The following DDX31 variants were observed in gnomAD, a reference collection of about 807,000 sequenced individuals.
The protein encoded by DDX31 is DEAD-box helicase 31.
A neutral mutation model predicts 91.3 loss-of-function variants in DDX31; 70 were observed. That is an observed-to-expected ratio of 0.77 (90% CI 0.63 to 0.94). The LOEUF (loss-of-function observed/expected upper bound fraction) is 0.94, where lower values mean the gene tolerates loss of function less well. Among genes scored for constraint, DDX31 ranks in the 40% least tolerant of loss-of-function variants. The pLI, the probability that DDX31 is intolerant of heterozygous loss-of-function variation, is 0.00. For missense variants in DDX31, 902 were observed against 925.0 expected (o/e 0.98, Z 0.32); for synonymous variants, 362 against 350.6 (o/e 1.03, Z -0.36).
At chr9:132,638,393 G>C in intron 14 of DDX31, 1 of 1,614,192 alleles carries the variant, frequency 6.2e-7, no homozygotes, top group Non-Finnish European at 8.5e-7. Flanking sequence ...ACATTTTGCA[G>C]ATAATCCAGT....
chr9:132,643,281 C>T (rs930840386), intron 13 of DDX31, among the ~76,000 whole-genome samples: 2 of 152,148 alleles, frequency 1.3e-5, no homozygotes, highest in African/African-American at 4.8e-5. Context: ...CCTGAAACGG[C>T]GCATTCTGAG....
chr9:132,648,136 T>C, intron 11 of DDX31, 53 bp downstream of exon 11: 1 of 1,453,938 alleles, frequency 6.9e-7, no homozygotes, highest in Admixed American at 1.9e-5. Flanking sequence ...TAAATCTAGG[T>C]CCTTCCTCTT....
At chr9:132,642,098 C>G (rs1181573991) in intron 13 of DDX31, 35 bp from the exon 14 acceptor site, 1 of 1,597,680 alleles carries the variant, frequency 6.3e-7, no homozygotes, top group African/African-American at 1.3e-5. Flanking sequence ...CCTTACAACT[C>G]AGAGACAAAC....
chr9:132,603,123 G>A (rs1039101072), intron 19 of DDX31, among the ~76,000 whole-genome samples: 2 of 152,338 alleles, frequency 1.3e-5, no homozygotes, highest in South Asian at 2.1e-4. Flanking sequence ...ACTCAGCTCA[G>A]CAGAGAACAC....
chr9:132,638,089 C>T (rs772286024), intron 14 of DDX31: 424 of 1,290,394 alleles, frequency 3.3e-4, no homozygotes, highest in Non-Finnish European at 4.0e-4. Context: ...AAGAAATGCA[C>T]GCGCCGGACA....
In DDX31 at chr9:132,646,151, C is replaced by T; in HGVS notation, c.1204-80G>A. 1.3e-5 allele frequency: 18 copies of T among 1,428,706 alleles called. No individual in the cohort carries two copies. The South Asian group carries it at 2.4e-4, about 19-fold the overall frequency. The allele number at this position is 1,428,706 out of a possible 1,614,324, so 88.5% of individuals were successfully genotyped here. A position where few individuals can be genotyped will look rare whatever the true frequency, so the allele number is the denominator to read the frequency against. The stretch of plus-strand genomic sequence containing the variant: ...AAAACGAATATTTCTCTAAACTATA[C>T]AGTCATGCTGACCCCCATTTGGAAA... On this transcript the variant is annotated intron_variant, in intron 12 of 19. Transcript: ENST00000372159.
At chr9:132,617,459 G>A (rs1831715128) in intron 18 of DDX31, among the ~76,000 whole-genome samples, 1 of 151,948 alleles carries the variant, frequency 6.6e-6, no homozygotes, top group Non-Finnish European at 1.5e-5. Context: ...GATCTCGCAT[G>A]CATTCCAAGC....
At chr9:132,645,468 C>T (rs1244384486) in intron 13 of DDX31, among the ~76,000 whole-genome samples, 1 of 152,154 alleles carries the variant, frequency 6.6e-6, no homozygotes, top group African/African-American at 2.4e-5. Flanking sequence ...CATATGGGAT[C>T]CACAATTTAG....
intron 6 of DDX31, 112 bp from the exon 7 acceptor site, chr9:132,652,604 G>A: frequency 2.2e-6 from 3 of 1,366,508 alleles, no homozygotes; most frequent in Non-Finnish European, 3.1e-6. Flanking sequence ...TCTTAATGAA[G>A]AAAGGGACAA....
chr9:132,662,763 A>G lies in DDX31; in HGVS notation c.76-68T>C. ...GTCCATGAAAACAGAGCTCGGAGTGAAGCCTGACTGCCCACAGAATTGCAT... is the reference window on the plus strand; with the variant it reads ...GTCCATGAAAACAGAGCTCGGAGTGGAGCCTGACTGCCCACAGAATTGCAT... On this transcript the variant is annotated intron_variant, in intron 1 of 19. Coordinates refer to ENST00000372159, the MANE Select transcript of DDX31 (RefSeq NM_022779.9). 1.9e-6 allele frequency: 3 copies of G among 1,594,068 alleles called. 1 individual carries two copies. The South Asian group carries it at 3.4e-5, about 18-fold the overall frequency.
At chr9:132,636,120 C>G (rs1488278770) in intron 14 of DDX31, among the ~76,000 whole-genome samples, 1 of 152,188 alleles carries the variant, frequency 6.6e-6, no homozygotes, top group Non-Finnish European at 1.5e-5. Context: ...CCTTTGAATG[C>G]TGGCTAGGCT....
intron 3 of DDX31, 75 bp downstream of exon 3, chr9:132,662,186 G>T (rs3739900): frequency 0.23 from 318,311 of 1,408,800 alleles, 38,157 homozygotes; most frequent in South Asian, 0.3. Context: ...CTCCTAGAGC[G>T]GCCATTTCAC....
chr9:132,652,351 T>G lies in DDX31; in HGVS notation c.633+97A>C. ...AATGGAACTGGTGTGCAGTGGCTTGTGCAGTAGGGAGAAACATGGTAAAAC... is the reference window on the plus strand; with the variant it reads ...AATGGAACTGGTGTGCAGTGGCTTGGGCAGTAGGGAGAAACATGGTAAAAC... On this transcript the variant is annotated intron_variant, in intron 7 of 19. Coordinates refer to ENST00000372159, the MANE Select transcript of DDX31 (RefSeq NM_022779.9). 4 of 1,413,532 alleles carry G rather than the reference T, an allele frequency of 2.8e-6. No homozygotes were observed. In the East Asian group the frequency reaches 9.7e-5, roughly 34 times the overall value. The allele number at this position is 1,413,532 out of a possible 1,614,324, so 87.6% of individuals were successfully genotyped here. A position where few individuals can be genotyped will look rare whatever the true frequency, so the allele number is the denominator to read the frequency against.
At chr9:132,663,371 C>T in intron 1 of DDX31, 2 of 1,270,888 alleles carry the variant, frequency 1.6e-6, no homozygotes, top group Non-Finnish European at 2.0e-6. Context: ...TTACTTCCTA[C>T]CTCCCTTGCC....
chr9:132,650,997 A>G lies in DDX31; in HGVS notation c.675+78T>C. 4 of 1,308,062 alleles carry G rather than the reference A, an allele frequency of 3.1e-6. 1 individual carries two copies. In the South Asian group the frequency reaches 3.9e-5, roughly 13 times the overall value. The allele number at this position is 1,308,062 out of a possible 1,614,324, so 81.0% of individuals were successfully genotyped here. A position where few individuals can be genotyped will look rare whatever the true frequency, so the allele number is the denominator to read the frequency against. ...AAATAATTCTTATCTCTTTGAAAAT[A>G]AAGAATAGACTGTAGTATATTAAAT... On this transcript the variant is annotated intron_variant, in intron 8 of 19. Coordinates refer to ENST00000372159, the MANE Select transcript of DDX31 (RefSeq NM_022779.9).
In DDX31 at chr9:132,625,700, T is replaced by A. The variant is rs759062105; in HGVS notation, c.1677A>T (p.Arg559Ser). ...ATCGTTTCCCTTTAAAACAATCATC[T>A]CTTGTCAGAACACACAAAATATCTT... is the stretch of plus-strand genomic sequence containing the variant. ...KMEDILCVLT[R>S]DDCFKGKRWG... Residue 559 changes from arginine (R) to serine (S), a missense_variant, in exon 17 of 20, where the codon AGA becomes AGT. Arg to Ser is a moderately radical substitution (Grantham distance 110, BLOSUM62 -1). Coordinates refer to ENST00000372159, the MANE Select transcript of DDX31 (RefSeq NM_022779.9). The A allele has an allele frequency of 1.5e-5, 25 of 1,613,838 alleles. No individual in the cohort carries two copies. In the Admixed American group the frequency reaches 4.0e-4, roughly 26 times the overall value.
At chr9:132,638,608 C>T (rs767170333) in intron 14 of DDX31, among the ~76,000 whole-genome samples, 9 of 152,200 alleles carry the variant, frequency 5.9e-5, no homozygotes, top group Non-Finnish European at 1.2e-4. Context: ...CCCAGCTATG[C>T]TCTGCCTAGA....
chr9:132,662,491 T>C lies in DDX31; in HGVS notation c.280A>G (p.Ile94Val), dbSNP rs748003962. The C allele has an allele frequency of 8.7e-6, 14 of 1,614,234 alleles. No individual in the cohort carries two copies. The highest frequency in any genetic ancestry group is 1.3e-5 in the African/African-American group (1 of 75,070). Residue 94 changes from isoleucine (I) to valine (V), a missense_variant, in exon 2 of 20, where the codon ATT becomes GTT. By Grantham distance (29) the Ile-to-Val change is conservative (BLOSUM62 3). Transcript: ENST00000372159. ...TTTTTAAACAGTGATGAAGTCTTAA[T>C]GCACTGTCTCTCCTCCTGGTTTCTA... The part of the protein sequence containing the change: ...SDRNQEERQC[I>V]KTSSLFKNNP...
chr9:132,668,461 C>A (rs1169732144), intron 1 of DDX31, among the ~76,000 whole-genome samples: 1 of 152,052 alleles, frequency 6.6e-6, no homozygotes, highest in East Asian at 1.9e-4. Flanking sequence ...GAGTTAAACT[C>A]AAAAATATCT....
Sources: gnomAD v4.1 joint callset for allele counts (sites outside exome capture counted in the v4.1 genomes callset) on GRCh38, gnomAD v4.1.1 for gene constraint, MANE v1.5 for transcripts, NCBI Gene and HGNC (gene_info 2026-07-23, HGNC 2026-07-21) for gene names.